The following RFX1 variants were observed in gnomAD, a reference collection of about 807,000 sequenced individuals.
RFX1 encodes regulatory factor X1.
A neutral mutation model predicts 119.6 loss-of-function variants in RFX1; 42 were observed. That is an observed-to-expected ratio of 0.35 (90% confidence interval 0.27 to 0.45). The LOEUF (loss-of-function observed/expected upper bound fraction) is 0.45, where lower values mean the gene tolerates loss of function less well. RFX1 is among the 20% of genes least tolerant of loss of function. The probability of loss-of-function intolerance (pLI) is 1.00; values close to 1 mark genes in which losing one functional copy is unlikely to be tolerated. For synonymous variants in RFX1, 628 were observed against 618.5 expected (o/e 1.02, Z -0.23); for missense variants, 1,118 against 1,368.1 (o/e 0.82, Z 2.88).
chr19:13,964,045 A>G (rs1010063005), intron 16 of RFX1, 38 bp from the exon 17 acceptor site: 4 of 1,520,106 alleles, frequency 2.6e-6, no homozygotes, highest in Non-Finnish European at 3.5e-6. Flanking sequence ...GCTTCCAAGG[A>G]ACCCCAGCCC....
chr19:13,997,081 C>G (rs1239539133), intron 1 of RFX1, among the ~76,000 whole-genome samples: 1 of 152,090 alleles, frequency 6.6e-6, no homozygotes, highest in African/African-American at 2.4e-5. Flanking sequence ...ACAGGGAGAC[C>G]CAAGCGTCAC....
In RFX1 at chr19:13,986,683, G is replaced by A. The variant is rs1023544530; in HGVS notation, c.320-3088C>T. ...CCCACTGTCTCAGGAAACGGCGGCCGATTTCCTGTCTCTGAATCTGACACA... is the reference window on the plus strand; with the variant it reads ...CCCACTGTCTCAGGAAACGGCGGCCAATTTCCTGTCTCTGAATCTGACACA... On this transcript the variant is annotated intron_variant, in intron 2 of 20. Coordinates refer to ENST00000254325, the MANE Select transcript of RFX1 (RefSeq NM_002918.5). The surrounding 1 kb of genome is among the most constrained non-coding windows in gnomAD (Gnocchi z 4.2). Among the ~76,000 whole-genome samples, 2 of 152,162 alleles carry A rather than the reference G, an allele frequency of 1.3e-5. No homozygotes were observed. Among genetic ancestry groups the A allele is most frequent in the South Asian group, 2.1e-4 (1 of 4,834 alleles).
chr19:13,997,770 G>A (rs1338958655), intron 1 of RFX1, among the ~76,000 whole-genome samples: 1 of 152,174 alleles, frequency 6.6e-6, no homozygotes, highest in African/African-American at 2.4e-5. Flanking sequence ...AGGAGTGGAG[G>A]CAGGCAGGAT....
At chr19:13,964,186 C>T (rs1286762286) in intron 16 of RFX1, 179 bp from the exon 17 acceptor site, 89 of 594,090 alleles carry the variant, frequency 1.5e-4, no homozygotes, top group Non-Finnish European at 5.5e-5. Context: ...GGTGTCCACT[C>T]ACAAGCGCCC....
chr19:13,963,053 A>G lies in RFX1; in HGVS notation c.2725-14T>C, dbSNP rs760515783. Reference sequence around the variant, plus strand: ...CAGATTGGCGAACTGGAGGAAGAAGAGAAGAAAATGGGTGAGGGTCCCGCC... The same window carrying G: ...CAGATTGGCGAACTGGAGGAAGAAGGGAAGAAAATGGGTGAGGGTCCCGCC... On this transcript the variant is annotated splice_polypyrimidine_tract_variant and intron_variant, in intron 19 of 20. Coordinates refer to ENST00000254325, the MANE Select transcript of RFX1 (RefSeq NM_002918.5). The G allele has an allele frequency of 6.3e-7, 1 of 1,579,198 alleles. No individual in the cohort carries two copies. The highest frequency in any genetic ancestry group is 1.9e-5 in the Admixed American group (1 of 53,838).
chr19:13,997,769 G>A (rs1383789301), intron 1 of RFX1, among the ~76,000 whole-genome samples: 1 of 152,156 alleles, frequency 6.6e-6, no homozygotes, highest in East Asian at 1.9e-4. Flanking sequence ...TAGGAGTGGA[G>A]GCAGGCAGGA....
chr19:13,995,261 T>C (rs1974969239), intron 1 of RFX1, among the ~76,000 whole-genome samples: 1 of 151,978 alleles, frequency 6.6e-6, no homozygotes, highest in Non-Finnish European at 1.5e-5. Context: ...AGCAGAGTCA[T>C]GGGGAAAGCT....
rs57906004 is a variant in RFX1, at chr19:13,989,535, T to TAG, written c.319+3988_319+3989dup. On this transcript the variant is annotated intron_variant, in intron 2 of 20. Coordinates refer to ENST00000254325, the MANE Select transcript of RFX1 (RefSeq NM_002918.5). Reference sequence around the variant, plus strand: ...ACGGCGCCCACCACCACACCCAGCTTAGAGAGAGAGAGAGAGAGACAGACA... The same window carrying TAG: ...ACGGCGCCCACCACCACACCCAGCTTAGAGAGAGAGAGAGAGAGAGACAGACA... 2.2e-3 allele frequency among the ~76,000 whole-genome samples: 327 copies of TAG among 146,538 alleles called. 7 individuals are homozygous for TAG. The highest frequency in any genetic ancestry group is 0.022 in the South Asian group (100 of 4,610).
At chr19:13,975,148 G>A (rs1974216355) in intron 8 of RFX1, among the ~76,000 whole-genome samples, 1 of 151,790 alleles carries the variant, frequency 6.6e-6, no homozygotes, top group Non-Finnish European at 1.5e-5. Context: ...CTGAGGTCAG[G>A]AGTTCAAGAC....
rs1307010879 is a variant in RFX1 at position 13,962,575 on chromosome 19, C to T, written c.*120G>A. 4 of 830,390 alleles carry T rather than the reference C, an allele frequency of 4.8e-6. No individual in the cohort carries two copies. In the East Asian group the frequency reaches 9.0e-5, roughly 19 times the overall value. The allele number at this position is 830,390 out of a possible 1,614,324, so 51.4% of individuals were successfully genotyped here. A position where few individuals can be genotyped will look rare whatever the true frequency, so the allele number is the denominator to read the frequency against. ...GGAGGAGGGCCCCGGTCTTCCCTGTCTCGGAGTCCCCCTCCCTGCCCTGGC... is the reference window on the plus strand; with the variant it reads ...GGAGGAGGGCCCCGGTCTTCCCTGTTTCGGAGTCCCCCTCCCTGCCCTGGC... On this transcript the variant is annotated 3_prime_UTR_variant, in exon 21 of 21. Transcript: ENST00000254325.
chr19:13,973,826 T>G (rs1829487783), intron 8 of RFX1, among the ~76,000 whole-genome samples: 1 of 151,900 alleles, frequency 6.6e-6, no homozygotes, highest in Admixed American at 6.6e-5. Context: ...CAGTTGGTGT[T>G]CCACCATGTT....
In RFX1 at chr19:13,985,562, C is replaced by T. The variant is rs1974563777; in HGVS notation, c.320-1967G>A. 6.6e-6 allele frequency among the ~76,000 whole-genome samples: 1 copy of T among 152,214 alleles called. No homozygotes were observed. Among genetic ancestry groups the T allele is most frequent in the Non-Finnish European group, 1.5e-5 (1 of 68,036 alleles). On this transcript the variant is annotated intron_variant, in intron 2 of 20. Coordinates refer to ENST00000254325, the MANE Select transcript of RFX1 (RefSeq NM_002918.5). This position sits in a 1 kb window ranked among gnomAD's most constrained non-coding sequence, Gnocchi z 4.3. ...GTGATCTGTCCAAGGTCAAATGCAC[C>T]ATCCACCGTGCAGGCCATGACGCAG...
intron 16 of RFX1, among the ~76,000 whole-genome samples, chr19:13,964,556 A>G (rs1973832676): frequency 6.6e-6 from 1 of 152,136 alleles, no homozygotes; most frequent in Non-Finnish European, 1.5e-5. Context: ...ATCTCAGCTC[A>G]CTGCATCCTC....
Position 13,968,945 on chromosome 19 carries a change from C to T in RFX1, c.1497-51G>A, listed in dbSNP as rs923598384. 1.3e-6 allele frequency: 2 copies of T among 1,532,494 alleles called. No individual in the cohort carries two copies. Among genetic ancestry groups the T allele is most frequent in the Admixed American group, 2.0e-5 (1 of 50,742 alleles). 94.9% of individuals were successfully genotyped at this position (1,532,494 alleles called of 1,614,324 possible). On this transcript the variant is annotated intron_variant, in intron 10 of 20. Transcript: ENST00000254325. The surrounding 1 kb of genome is among the most constrained non-coding windows in gnomAD (Gnocchi z 5.5). ...CTGGGCTGGGGGTCTGCCGGCTGGC[C>T]GGCCATGGAGCACCTCACAGCACAC...
In RFX1 at chr19:13,964,776, C is replaced by T. The variant is rs189816360; in HGVS notation, c.2211+673G>A. On this transcript the variant is annotated intron_variant, in intron 16 of 20. Transcript: ENST00000254325. ...GATTACAGGCATGAGCCACTACGCC[C>T]GGCCTCATTTTCTTTCGTACCCTGG... Among the ~76,000 whole-genome samples, 6 of 152,328 alleles carry T rather than the reference C, an allele frequency of 3.9e-5. No individual in the cohort carries two copies. In the East Asian group the frequency reaches 1.2e-3, roughly 29 times the overall value.
chr19:13,979,094 G>A (rs966906915), intron 7 of RFX1, among the ~76,000 whole-genome samples: 5 of 151,920 alleles, frequency 3.3e-5, no homozygotes, highest in African/African-American at 1.2e-4. Flanking sequence ...AGGACAAACA[G>A]AGACACTGGG....
At chr19:13,997,061 C>T (rs893944874) in intron 1 of RFX1, among the ~76,000 whole-genome samples, 8 of 149,544 alleles carry the variant, frequency 5.3e-5, no homozygotes, top group South Asian at 2.1e-4. Context: ...GGCATCTTGC[C>T]GGTCTTCCAA....
chr19:13,987,201 C>T (rs1301944686), intron 2 of RFX1, among the ~76,000 whole-genome samples: 1 of 152,134 alleles, frequency 6.6e-6, no homozygotes, highest in Non-Finnish European at 1.5e-5. Flanking sequence ...GGAGTGGCTG[C>T]CAGAGCCCAC....
chr19:13,989,435 G>A (rs7259493), intron 2 of RFX1, among the ~76,000 whole-genome samples: 34,196 of 151,884 alleles, frequency 0.23, 5,165 homozygotes, highest in African/African-American at 0.43. Context: ...CAATGGTGCA[G>A]TCTTGGCTCA....
Sources: allele counts gnomAD v4.1 joint callset (sites outside exome capture counted in the v4.1 genomes callset), GRCh38; gene constraint gnomAD v4.1.1; non-coding constraint Gnocchi (gnomAD v3.1); transcripts MANE v1.5; gene names NCBI Gene and HGNC (gene_info 2026-07-23, HGNC 2026-07-21).